CCSER1: variants seen among roughly 807,000 people sequenced by gnomAD.
CCSER1 encodes the protein coiled-coil serine rich protein 1, also known as serine-rich coiled-coil domain-containing protein 1.
Under a neutral mutation model 82.0 loss-of-function variants are expected in CCSER1, and 41 were observed. The ratio of observed to expected loss-of-function variants is 0.50; its 90% confidence interval spans 0.39 to 0.65. The LOEUF is 0.65. CCSER1 is among the 30% of genes least tolerant of loss of function. The probability of loss-of-function intolerance (pLI) is 0.00; values close to 1 mark genes in which losing one functional copy is unlikely to be tolerated. For missense variants in CCSER1, 1,119 were observed against 1,064.2 expected, an observed-to-expected ratio of 1.05 and a Z score of -0.72; for synonymous variants, 414 against 383.9, an observed-to-expected ratio of 1.08 and a Z score of -0.92.
intron 9 of CCSER1, among the ~76,000 whole-genome samples, chr4:91,073,435 A>G (rs959943742): frequency 2.0e-5 from 3 of 152,190 alleles, no homozygotes; most frequent in Non-Finnish European, 2.9e-5. Flanking sequence ...AAGTAGGTTA[A>G]GTTGCCTTAG....
chr4:91,224,411 T>G (rs193009400), intron 10 of CCSER1, among the ~76,000 whole-genome samples: 1 of 152,262 alleles, frequency 6.6e-6, no homozygotes, highest in Admixed American at 6.5e-5. Flanking sequence ...GAAAACATTT[T>G]TCCATATTCT....
chr4:91,560,991 G>T (rs1402417018), intron 10 of CCSER1, among the ~76,000 whole-genome samples: 1 of 151,286 alleles, frequency 6.6e-6, no homozygotes, highest in Non-Finnish European at 1.5e-5. Flanking sequence ...TCCAAAACCT[G>T]AAAGTAAAAC....
chr4:91,112,099 T>C (rs1726144691), intron 10 of CCSER1, among the ~76,000 whole-genome samples: 1 of 152,064 alleles, frequency 6.6e-6, no homozygotes, highest in African/African-American at 2.4e-5. Flanking sequence ...CTAAAAGTTA[T>C]ATTCCGGTAT....
At chr4:91,418,303 T>TAAAAAAAAA (rs142070235) in intron 10 of CCSER1, among the ~76,000 whole-genome samples, 7 of 113,624 alleles carry the variant, frequency 6.2e-5, no homozygotes, top group South Asian at 3.1e-4. Context: ...ATTTTTTAAT[T>TAAAAAAAAA]AAAAAAAAAA....
At chr4:90,719,058 A>G (rs566043069) in intron 6 of CCSER1, among the ~76,000 whole-genome samples, 46 of 152,092 alleles carry the variant, frequency 3.0e-4, no homozygotes, top group African/African-American at 1.1e-3. Flanking sequence ...GCCACGGACC[A>G]CTGGTCCGTG....
chr4:90,346,320 A>G (rs1240668749), intron 3 of CCSER1, among the ~76,000 whole-genome samples: 1 of 152,008 alleles, frequency 6.6e-6, no homozygotes, highest in Non-Finnish European at 1.5e-5. Flanking sequence ...GTTAAGTGGT[A>G]TATTTCTTAA....
In CCSER1 at chr4:91,599,765, T is replaced by C. The variant is rs1196133784; in HGVS notation, c.*708T>C. The C allele has an allele frequency of 6.6e-6, 1 of 152,150 alleles. No individual in the cohort carries two copies. Among genetic ancestry groups the C allele is most frequent in the Non-Finnish European group, 1.5e-5 (1 of 67,996 alleles). The allele number at this position is 152,150 out of a possible 1,614,324, so 9.4% of individuals were successfully genotyped here. ...TCTGATCTTTGAAAAATTTTGCTTTTAGTTTTTGTTATTGATGTTGAAGTA... is the reference window on the plus strand; with the variant it reads ...TCTGATCTTTGAAAAATTTTGCTTTCAGTTTTTGTTATTGATGTTGAAGTA... On this transcript the variant is annotated 3_prime_UTR_variant, in exon 11 of 11. Coordinates refer to ENST00000509176, the MANE Select transcript of CCSER1 (RefSeq NM_001145065.2).
chr4:90,437,268 C>T (rs973197048), intron 4 of CCSER1, among the ~76,000 whole-genome samples: 1 of 149,692 alleles, frequency 6.7e-6, no homozygotes, highest in African/African-American at 2.5e-5. Flanking sequence ...CACATGCACA[C>T]ATGCGCGCGC....
chr4:90,659,427 T>C (rs565514482), intron 6 of CCSER1, among the ~76,000 whole-genome samples: 1 of 152,170 alleles, frequency 6.6e-6, no homozygotes, highest in South Asian at 2.1e-4. Flanking sequence ...ATTTAGAGGA[T>C]TTAATGAGAA....
chr4:91,518,565 G>A (rs1347332889), intron 10 of CCSER1, among the ~76,000 whole-genome samples: 1 of 152,150 alleles, frequency 6.6e-6, no homozygotes, highest in Non-Finnish European at 1.5e-5. Context: ...GCCAGAGGGT[G>A]GGGCAGCTGT....
At chr4:90,471,324 A>G (rs1267568202) in intron 5 of CCSER1, among the ~76,000 whole-genome samples, 2 of 151,696 alleles carry the variant, frequency 1.3e-5, no homozygotes, top group Non-Finnish European at 2.9e-5. Flanking sequence ...ACTCCCAGAT[A>G]CTCACAAGGC....
At chr4:90,144,652 C>T (rs1340631780) in intron 1 of CCSER1, among the ~76,000 whole-genome samples, 1 of 152,064 alleles carries the variant, frequency 6.6e-6, no homozygotes, top group Non-Finnish European at 1.5e-5. Flanking sequence ...TTCTAGATTA[C>T]CTGGACTATT....
chr4:91,059,361 A>ATG (rs1220761880), intron 9 of CCSER1, among the ~76,000 whole-genome samples: 5 of 83,184 alleles, frequency 6.0e-5, no homozygotes, highest in African/African-American at 1.8e-4. Context: ...ACACGTGTGT[A>ATG]TGTGTGTGTG....
At chr4:90,589,610 A>G (rs1312640018) in intron 5 of CCSER1, among the ~76,000 whole-genome samples, 8 of 152,128 alleles carry the variant, frequency 5.3e-5, no homozygotes, top group Admixed American at 5.2e-4. Flanking sequence ...ACAAAGATCT[A>G]TTCTTACATT....
intron 4 of CCSER1, among the ~76,000 whole-genome samples, chr4:90,447,892 A>G (rs996590172): frequency 2.0e-5 from 3 of 152,186 alleles, no homozygotes; most frequent in African/African-American, 7.2e-5. Flanking sequence ...CATAATTTTT[A>G]AATAATTGCT....
chr4:90,266,370 C>A (rs2153451218), intron 1 of CCSER1, among the ~76,000 whole-genome samples: 1 of 151,964 alleles, frequency 6.6e-6, no homozygotes, highest in Admixed American at 6.6e-5. Context: ...TGTTACTCTC[C>A]AGTATGTATA....
intron 5 of CCSER1, among the ~76,000 whole-genome samples, chr4:90,560,265 A>G (rs1778612589): frequency 6.6e-6 from 1 of 151,952 alleles, no homozygotes; most frequent in Non-Finnish European, 1.5e-5. Flanking sequence ...GAATATCCAA[A>G]TATTCTCTAA....
At chr4:90,395,956 C>T (rs946451105) in intron 3 of CCSER1, among the ~76,000 whole-genome samples, 5 of 151,800 alleles carry the variant, frequency 3.3e-5, no homozygotes, top group African/African-American at 1.2e-4. Context: ...TTGTGCATGC[C>T]TGTAATCCCA....
At chr4:91,437,790 T>C (rs1754770702) in intron 10 of CCSER1, among the ~76,000 whole-genome samples, 2 of 152,188 alleles carry the variant, frequency 1.3e-5, no homozygotes, top group African/African-American at 2.4e-5. Flanking sequence ...TACTCCGCTT[T>C]TACAAAGGGC....
Sources: allele counts gnomAD v4.1 joint callset (sites outside exome capture counted in the v4.1 genomes callset), GRCh38; gene constraint gnomAD v4.1.1; transcripts MANE v1.5; gene names NCBI Gene and HGNC (gene_info 2026-07-23, HGNC 2026-07-21).